The following DDB2 variants were observed in gnomAD, a reference collection of about 807,000 sequenced individuals.
DDB2 encodes the protein DNA damage-binding protein 2.
A neutral mutation model predicts 50.5 loss-of-function variants in DDB2; 27 were observed. The observed-to-expected ratio is 0.53, with a 90% CI of 0.39 to 0.74. The LOEUF is 0.74. Among genes scored for constraint, DDB2 ranks in the 30% least tolerant of loss-of-function variants. DDB2 has a pLI of 0.00. For synonymous variants in DDB2, 176 were observed against 205.5 expected (o/e 0.86, Z 1.23); for missense variants, 424 against 545.6 (o/e 0.78, Z 2.22).
intron 7 of DDB2, among the ~76,000 whole-genome samples, chr11:47,236,558 TTACTTATA>T (rs1278146595): frequency 6.6e-6 from 1 of 152,150 alleles, no homozygotes; most frequent in Non-Finnish European, 1.5e-5. Context: ...CTTGGGCAAA[TTACTTATA>T]TTTTGGATCT....
chr11:47,219,067 C>G (rs1953444468), intron 3 of DDB2, among the ~76,000 whole-genome samples: 1 of 152,016 alleles, frequency 6.6e-6, no homozygotes, highest in Non-Finnish European at 1.5e-5. Flanking sequence ...GCCTCAGCCT[C>G]CCCAGCAGCT....
chr11:47,234,190 GTCTCCTTT>G (rs1953690044), intron 4 of DDB2, among the ~76,000 whole-genome samples: 1 of 152,130 alleles, frequency 6.6e-6, no homozygotes, highest in South Asian at 2.1e-4. Context: ...TTTGGCTTGT[GTCTCCTTT>G]GGCCTAAAGG....
At chr11:47,223,618 A>C (rs1350737255) in intron 3 of DDB2, among the ~76,000 whole-genome samples, 1 of 151,826 alleles carries the variant, frequency 6.6e-6, no homozygotes, top group Non-Finnish European at 1.5e-5. Flanking sequence ...GTCTGTTCTA[A>C]AAATACAAAA....
intron 3 of DDB2, chr11:47,220,432 A>G (rs1190630594): frequency 1.3e-5 from 2 of 152,240 alleles, no homozygotes; most frequent in Non-Finnish European, 2.9e-5. Flanking sequence ...AGTGTAGGGT[A>G]TTCTAGGGGA....
chr11:47,238,297 G>A (rs907963589), intron 9 of DDB2, 114 bp downstream of exon 9: 13 of 944,878 alleles, frequency 1.4e-5, no homozygotes, highest in Middle Eastern at 2.7e-4. Context: ...AGTGGCCCAC[G>A]AAGAAGATGG....
chr11:47,233,310 A>G (rs748760179), intron 4 of DDB2: 1 of 378,958 alleles, frequency 2.6e-6, no homozygotes, highest in Non-Finnish European at 5.1e-6. Context: ...CCCTGCACTC[A>G]CTGTGGTGTA....
At chr11:47,220,326 A>C (rs548755575) in intron 3 of DDB2, 4 of 152,254 alleles carry the variant, frequency 2.6e-5, no homozygotes, top group Non-Finnish European at 5.9e-5. Flanking sequence ...CAGAACCCAG[A>C]GCTCAGACAG....
intron 3 of DDB2, among the ~76,000 whole-genome samples, chr11:47,226,475 G>A (rs147994715): frequency 6.6e-6 from 1 of 151,992 alleles, no homozygotes; most frequent in African/African-American, 2.4e-5. Context: ...GTTTTGCCAC[G>A]TTGGCCAGGC....
chr11:47,231,338 A>G (rs2135506941), intron 3 of DDB2, among the ~76,000 whole-genome samples: 1 of 152,204 alleles, frequency 6.6e-6, no homozygotes, highest in East Asian at 1.9e-4. Flanking sequence ...TTCTAAAGAG[A>G]GCACTGTGGG....
chr11:47,227,402 C>T (rs180952253), intron 3 of DDB2, among the ~76,000 whole-genome samples: 2 of 151,932 alleles, frequency 1.3e-5, no homozygotes, highest in Admixed American at 6.6e-5. Context: ...ACACTGCGCC[C>T]GGCCATGATA....
intron 3 of DDB2, among the ~76,000 whole-genome samples, chr11:47,225,245 CTG>C: frequency 8.3e-6 from 1 of 120,830 alleles, no homozygotes; most frequent in African/African-American, 2.8e-5. Context: ...TGGCCCGATC[CTG>C]TGTCTTTAAA....
rs1185569792 is a variant in DDB2, at chr11:47,234,582, T to C, written c.612T>C (p.Phe204=). The C allele has an allele frequency of 1.2e-6, 2 of 1,614,006 alleles. No homozygotes were observed. The highest frequency in any genetic ancestry group is 1.7e-6 in the Non-Finnish European group (2 of 1,179,890). ...CAGTCTCTCCCTCCAGCATCTGGTT[T>C]TGTAGCCTGGATGTGTCTGCTAGTA... is the stretch of plus-strand genomic sequence containing the variant. ...FASSDTINIW[F]CSLDVSASSR... is the part of the protein sequence containing the mutation. The change falls in exon 5 of 10, where the codon TTT becomes TTC. Residue 204 remains phenylalanine (F), a synonymous_variant. Coordinates refer to ENST00000256996, the MANE Select transcript of DDB2 (RefSeq NM_000107.3).
At chr11:47,233,907 C>T (rs1293292415) in intron 4 of DDB2, among the ~76,000 whole-genome samples, 1 of 152,140 alleles carries the variant, frequency 6.6e-6, no homozygotes, top group Non-Finnish European at 1.5e-5. Context: ...AGGCTCCAGG[C>T]TACTCTTCCG....
At chr11:47,221,142 G>A (rs1196190335) in intron 3 of DDB2, among the ~76,000 whole-genome samples, 2 of 151,992 alleles carry the variant, frequency 1.3e-5, no homozygotes, top group East Asian at 1.9e-4. Flanking sequence ...CAGCCTGGGC[G>A]ACACAGTGAG....
intron 3 of DDB2, among the ~76,000 whole-genome samples, chr11:47,222,315 C>T (rs1301447321): frequency 6.6e-6 from 1 of 151,882 alleles, no homozygotes; most frequent in Non-Finnish European, 1.5e-5. Flanking sequence ...TGAAATTTAT[C>T]TACATTTTTA....
chr11:47,238,532 A>G (rs1399659467), intron 9 of DDB2, among the ~76,000 whole-genome samples: 1 of 151,898 alleles, frequency 6.6e-6, no homozygotes, highest in Non-Finnish European at 1.5e-5. Context: ...TCGAGTAGCT[A>G]GGACTACAGG....
Position 47,216,511 on chromosome 11 carries a change from C to A in DDB2, c.264+39C>A, listed in dbSNP as rs1449272872. 3.1e-6 allele frequency: 5 copies of A among 1,611,780 alleles called. No homozygotes were observed. The South Asian group carries it at 5.5e-5, about 18-fold the overall frequency. ...TGCCTCAAGTCCTCAAGGGTTTACACGTGCATTTTTACTATTGCATGCTCC... is the reference window on the plus strand; with the variant it reads ...TGCCTCAAGTCCTCAAGGGTTTACAAGTGCATTTTTACTATTGCATGCTCC... On this transcript the variant is annotated intron_variant, in intron 2 of 9. Coordinates refer to ENST00000256996, the MANE Select transcript of DDB2 (RefSeq NM_000107.3).
intron 3 of DDB2, among the ~76,000 whole-genome samples, chr11:47,229,334 G>C (rs772394769): frequency 4.6e-5 from 7 of 152,176 alleles, no homozygotes; most frequent in Non-Finnish European, 8.8e-5. Context: ...CCTAGAGTGG[G>C]GTGGCGGAGT....
At chr11:47,237,278 T>C (rs1953738294) in intron 7 of DDB2, among the ~76,000 whole-genome samples, 2 of 152,224 alleles carry the variant, frequency 1.3e-5, no homozygotes, top group South Asian at 4.1e-4. Context: ...GAAATGCAAA[T>C]GAGGGAGAAG....
Sources: gnomAD v4.1 joint callset for allele counts (sites outside exome capture counted in the v4.1 genomes callset) on GRCh38, gnomAD v4.1.1 for gene constraint, MANE v1.5 for transcripts, NCBI Gene and HGNC (gene_info 2026-07-23, HGNC 2026-07-21) for gene names.